Variants in ESCO1 observed in about 807,000 individuals in gnomAD.
The protein encoded by ESCO1 is establishment of sister chromatid cohesion N-acetyltransferase 1.
ESCO1 carries 33 observed loss-of-function variants against 83.5 expected under a neutral mutation model. The ratio of observed to expected loss-of-function variants is 0.40; its 90% CI spans 0.30 to 0.53. The LOEUF is 0.53. Ranked by LOEUF, ESCO1 falls within the 20% of genes least tolerant of loss-of-function variation. ESCO1 has a pLI of 0.63. For synonymous variants in ESCO1, 332 were observed against 324.3 expected (o/e 1.02, Z -0.25); for missense variants, 855 against 968.0 (o/e 0.88, Z 1.55).
chr18:21,577,314 G>T (rs1050200743), intron 2 of ESCO1, among the ~76,000 whole-genome samples: 9 of 128,374 alleles, frequency 7.0e-5, no homozygotes, highest in African/African-American at 2.7e-4. Context: ...CTGAGATCAT[G>T]CCATTGCACT....
chr18:21,594,960 TG>T (rs2038739586), intron 1 of ESCO1, among the ~76,000 whole-genome samples: 1 of 151,506 alleles, frequency 6.6e-6, no homozygotes. Flanking sequence ...TGTGTGTGTG[TG>T]TGTGTATCTT....
At chr18:21,572,446 T>C (rs1313728106) in intron 4 of ESCO1, among the ~76,000 whole-genome samples, 1 of 152,220 alleles carries the variant, frequency 6.6e-6, no homozygotes, top group Non-Finnish European at 1.5e-5. Context: ...TACAAGATTC[T>C]GGTTTTCAGT....
chr18:21,550,368 C>G (rs1228034878), intron 8 of ESCO1, among the ~76,000 whole-genome samples: 2 of 152,156 alleles, frequency 1.3e-5, no homozygotes, highest in African/African-American at 4.8e-5. Context: ...CTAAACCTTA[C>G]GACTATATGA....
Position 21,560,886 on chromosome 18 carries a change from G to C in ESCO1, c.1926C>G (p.Asn642Lys), listed in dbSNP as rs756872686. The C allele has an allele frequency of 3.1e-6, 5 of 1,602,456 alleles. No individual in the cohort carries two copies. The highest frequency in any genetic ancestry group is 4.5e-5 in the East Asian group (2 of 44,332). ...CATATTTAACAGCACTTATAAACTG[G>C]TTGTGGAAAAGCAGATGCTGTGTTT... ...EDETQHLLFHNQFISAVKYVG... is the reference protein window; with the variant it reads ...EDETQHLLFHKQFISAVKYVG... Residue 642 changes from asparagine (N) to lysine (K), a missense_variant, in exon 8 of 12, where the codon AAC (asparagine) becomes AAG (lysine). This residue lies in a region of ESCO1 where 129 missense variants were observed against 268.5 expected (regional missense o/e 0.48). Transcript: ENST00000269214.
chr18:21,532,671 C>A lies in ESCO1; in HGVS notation c.2188-11G>T, dbSNP rs1327098930. 1 of 1,600,586 alleles carries A rather than the reference C, an allele frequency of 6.2e-7. No individual in the cohort carries two copies. Among genetic ancestry groups the A allele is most frequent in the South Asian group, 1.1e-5 (1 of 89,766 alleles). ...TATAACTCTGTAGCCCTACAGGTGT[C>A]AAAAATGGGGAAAAAATTTAAGTGA... is the stretch of plus-strand genomic sequence containing the variant. On this transcript the variant is annotated splice_polypyrimidine_tract_variant and intron_variant, in intron 10 of 11. Coordinates refer to ENST00000269214, the MANE Select transcript of ESCO1 (RefSeq NM_052911.3).
intron 10 of ESCO1, among the ~76,000 whole-genome samples, chr18:21,535,137 T>C (rs1183888867): frequency 6.6e-6 from 1 of 152,152 alleles, no homozygotes; most frequent in East Asian, 1.9e-4. Context: ...CTTACTCCAG[T>C]GCTAGAGGGA....
chr18:21,556,449 T>C (rs916797095), intron 8 of ESCO1, among the ~76,000 whole-genome samples: 1 of 152,142 alleles, frequency 6.6e-6, no homozygotes, highest in Non-Finnish European at 1.5e-5. Context: ...TACTGGAACA[T>C]GGTTTCCCTA....
chr18:21,551,917 A>T lies in ESCO1; in HGVS notation c.1953+8942T>A, dbSNP rs556603317. 3.4e-4 allele frequency among the ~76,000 whole-genome samples: 52 copies of T among 152,314 alleles called. No homozygotes were observed. In the South Asian group the frequency reaches 0.011, roughly 32 times the overall value. On this transcript the variant is annotated intron_variant, in intron 8 of 11. Coordinates refer to ENST00000269214, the MANE Select transcript of ESCO1 (RefSeq NM_052911.3). ...CCACAGTTAAGACAAAAGAAAAGAG[A>T]AAGCACTCATGGGTAAGGGAAAGGA...
At chr18:21,534,536 C>T (rs1393008991) in intron 10 of ESCO1, among the ~76,000 whole-genome samples, 2 of 152,076 alleles carry the variant, frequency 1.3e-5, no homozygotes, top group African/African-American at 2.4e-5. Context: ...TACATGATTC[C>T]ATTGTTTGTT....
chr18:21,552,684 A>C (rs1296970524), intron 8 of ESCO1, among the ~76,000 whole-genome samples: 1 of 152,218 alleles, frequency 6.6e-6, no homozygotes, highest in Non-Finnish European at 1.5e-5. Flanking sequence ...CCGGAAACAG[A>C]CTCATATAAA....
At chr18:21,563,032 C>T (rs1598464748) in intron 7 of ESCO1, among the ~76,000 whole-genome samples, 1 of 151,548 alleles carries the variant, frequency 6.6e-6, no homozygotes, top group African/African-American at 2.4e-5. Context: ...TCACCACGCC[C>T]AGCTAATTTT....
chr18:21,577,438 T>C (rs9946892), intron 2 of ESCO1, among the ~76,000 whole-genome samples: 72,482 of 144,630 alleles, frequency 0.5, 20,890 homozygotes, highest in Non-Finnish European at 0.65. Context: ...GGCGGGCAGA[T>C]TCACGAGGTC....
intron 9 of ESCO1, 94 bp downstream of exon 9, chr18:21,539,826 C>T (rs1008234882): frequency 1.6e-5 from 16 of 1,016,764 alleles, no homozygotes; most frequent in African/African-American, 6.5e-5. Flanking sequence ...CCAGCCTGAG[C>T]GACAGAGCAA....
chr18:21,569,864 T>A (rs1235464716), intron 4 of ESCO1, among the ~76,000 whole-genome samples: 1 of 151,856 alleles, frequency 6.6e-6, no homozygotes, highest in Non-Finnish European at 1.5e-5. Context: ...AAGAAAAAAA[T>A]ACTCCAAACT....
At chr18:21,542,751 T>TAACATAC (rs1184175851) in intron 8 of ESCO1, among the ~76,000 whole-genome samples, 15 of 152,324 alleles carry the variant, frequency 9.8e-5, no homozygotes, top group African/African-American at 3.6e-4. Flanking sequence ...TTTGTTCAAA[T>TAACATAC]AACATACTCA....
chr18:21,600,422 G>A (rs992172970), intron 1 of ESCO1, among the ~76,000 whole-genome samples: 2 of 152,266 alleles, frequency 1.3e-5, no homozygotes, highest in Non-Finnish European at 2.9e-5. Context: ...TACCTCAAGC[G>A]ACGGCGTCTT....
chr18:21,575,540 G>C, intron 3 of ESCO1, 110 bp from the exon 4 acceptor site: 1 of 398,110 alleles, frequency 2.5e-6, no homozygotes, highest in Non-Finnish European at 4.4e-6. Flanking sequence ...TCCTCCTTTT[G>C]AAGTATCTAA....
intron 8 of ESCO1, among the ~76,000 whole-genome samples, chr18:21,551,379 C>A (rs144387310): frequency 1.3e-5 from 2 of 151,652 alleles, no homozygotes; most frequent in African/African-American, 4.9e-5. Context: ...TGTAGTGAGC[C>A]GAGATTGTGC....
intron 8 of ESCO1, among the ~76,000 whole-genome samples, chr18:21,555,949 A>C (rs1028648461): frequency 2.7e-5 from 4 of 150,014 alleles, no homozygotes; most frequent in African/African-American, 9.8e-5. Context: ...AACACAGCAA[A>C]ACCCTGTCTC....
Sources: gnomAD v4.1 joint callset for allele counts (sites outside exome capture counted in the v4.1 genomes callset) on GRCh38, gnomAD v4.1.1 for gene constraint, gnomAD v4.1.1 regional missense constraint, MANE v1.5 for transcripts, NCBI Gene and HGNC (gene_info 2026-07-23, HGNC 2026-07-21) for gene names.